Variants in CFAP54 observed in about 807,000 individuals in gnomAD.
The protein encoded by CFAP54 is cilia- and flagella-associated protein 54.
CFAP54 carries 290 observed loss-of-function variants against 370.4 expected under a neutral mutation model. The ratio of observed to expected loss-of-function variants is 0.78; its 90% CI spans 0.71 to 0.86. CFAP54 has a LOEUF of 0.86. CFAP54 is among the 40% of genes least tolerant of loss of function. The pLI is 0.00. For missense variants in CFAP54, 3,399 were observed against 3,528.7 expected, an observed-to-expected ratio of 0.96 and a Z score of 0.93; for synonymous variants, 1,206 against 1,236.5, an observed-to-expected ratio of 0.98 and a Z score of 0.52.
At chr12:96,839,424 A>T (rs369123081) in intron 66 of CFAP54, among the ~76,000 whole-genome samples, 1 of 152,238 alleles carries the variant, frequency 6.6e-6, no homozygotes, top group East Asian at 1.9e-4. Context: ...GGGCTGTAGC[A>T]GAAGAACAAC....
At chr12:96,574,486 G>A (rs1318568987) in intron 19 of CFAP54, among the ~76,000 whole-genome samples, 2 of 151,942 alleles carry the variant, frequency 1.3e-5, no homozygotes, top group Non-Finnish European at 2.9e-5. Context: ...TTTTGTGCTA[G>A]TAATATTTTG....
chr12:96,595,476 C>G (rs1956168223), intron 25 of CFAP54, among the ~76,000 whole-genome samples: 1 of 152,140 alleles, frequency 6.6e-6, no homozygotes, highest in South Asian at 2.1e-4. Context: ...CTGTCATTGT[C>G]AGCATCATGA....
Position 96,860,800 on chromosome 12 carries a change from CTT to C in CFAP54, c.9172-16_9172-15del, listed in dbSNP as rs1959860353. On this transcript the variant is annotated splice_polypyrimidine_tract_variant and intron_variant, in intron 66 of 67. Transcript: ENST00000524981. ...TTTGAAACAATGCATTTCATGAACA[CTT>C]TTATGTTTTTCCTCAGGTCCCATTT... 1 of 1,514,748 alleles carries C rather than the reference CTT, an allele frequency of 6.6e-7. No homozygotes were observed. The highest frequency in any genetic ancestry group is 1.4e-5 in the African/African-American group (1 of 71,980). 93.8% of individuals were successfully genotyped at this position (1,514,748 alleles called of 1,614,324 possible).
At chr12:96,765,999 G>A (rs1958398795) in intron 60 of CFAP54, among the ~76,000 whole-genome samples, 1 of 152,130 alleles carries the variant, frequency 6.6e-6, no homozygotes, top group Non-Finnish European at 1.5e-5. Flanking sequence ...CTTACTTCCA[G>A]ACTGACATTT....
rs936177148 is a variant in CFAP54 at position 96,861,054 on chromosome 12, C to T, written c.*14+102C>T. On this transcript the variant is annotated intron_variant, in intron 67 of 67. Coordinates refer to ENST00000524981, the MANE Select transcript of CFAP54 (RefSeq NM_001306084.2). Reference sequence around the variant, plus strand: ...ACAAACATAAAATTGTTTTTTTACACAAGCTAAATTTCTTTAAAATTATTA... The same window carrying T: ...ACAAACATAAAATTGTTTTTTTACATAAGCTAAATTTCTTTAAAATTATTA... 3.7e-6 allele frequency: 3 copies of T among 814,364 alleles called. No individual in the cohort carries two copies. In the African/African-American group the frequency reaches 5.3e-5, roughly 14 times the overall value. 50.4% of individuals were successfully genotyped at this position (814,364 alleles called of 1,614,324 possible). A position where few individuals can be genotyped will look rare whatever the true frequency, so the allele number is the denominator to read the frequency against.
chr12:96,840,152 A>G (rs1258551557), intron 66 of CFAP54, among the ~76,000 whole-genome samples: 4 of 152,256 alleles, frequency 2.6e-5, no homozygotes, highest in East Asian at 3.8e-4. Context: ...ATGACATCCA[A>G]TAAAACTAGG....
intron 65 of CFAP54, among the ~76,000 whole-genome samples, chr12:96,825,377 G>C (rs868745400): frequency 9.1e-6 from 1 of 109,964 alleles, no homozygotes; most frequent in South Asian, 2.7e-4. Context: ...TATGTAACAT[G>C]TGTTATATAT....
chr12:96,531,924 C>T (rs1565886744), intron 9 of CFAP54, among the ~76,000 whole-genome samples: 4 of 152,162 alleles, frequency 2.6e-5, no homozygotes, highest in Admixed American at 1.3e-4. Context: ...TGGGGTTCCA[C>T]CATGTTGGCC....
chr12:96,869,558 G>C (rs1471143747), intron 67 of CFAP54, among the ~76,000 whole-genome samples: 1 of 152,150 alleles, frequency 6.6e-6, no homozygotes, highest in Non-Finnish European at 1.5e-5. Flanking sequence ...TATATTTCTG[G>C]ATTGGTGATT....
At chr12:96,864,623 C>T (rs544862260) in intron 67 of CFAP54, among the ~76,000 whole-genome samples, 4 of 152,178 alleles carry the variant, frequency 2.6e-5, no homozygotes, top group Admixed American at 1.3e-4. Flanking sequence ...GCAAATCCCT[C>T]CATCCAGTTC....
chr12:96,691,381 A>T, intron 44 of CFAP54, 71 bp downstream of exon 44: 2 of 1,136,988 alleles, frequency 1.8e-6, no homozygotes, highest in Non-Finnish European at 2.4e-6. Context: ...TACTTTTAAA[A>T]TTTTGCTAAT....
At chr12:96,831,644 A>G (rs532005091) in intron 66 of CFAP54, among the ~76,000 whole-genome samples, 41 of 152,304 alleles carry the variant, frequency 2.7e-4, no homozygotes, top group Middle Eastern at 3.4e-3. Context: ...AGGAAGTGAC[A>G]TTTGAAGTAA....
At chr12:96,726,102 A>G (rs1175906331) in intron 50 of CFAP54, among the ~76,000 whole-genome samples, 1 of 149,852 alleles carries the variant, frequency 6.7e-6, no homozygotes, top group African/African-American at 2.4e-5. Context: ...GGATTTTTGC[A>G]TCAATGTTCA....
chr12:96,868,361 T>C lies in CFAP54; in HGVS notation c.*15-6757T>C, dbSNP rs569827759. Among the ~76,000 whole-genome samples, 3 of 152,160 alleles carry C rather than the reference T, an allele frequency of 2.0e-5. No individual in the cohort carries two copies. In the East Asian group the frequency reaches 5.8e-4, roughly 29 times the overall value. On this transcript the variant is annotated intron_variant, in intron 67 of 67. Transcript: ENST00000524981. ...GTTGAATGTTTTTCACATTTTTTGG[T>C]CCACTGTATATTTTTCTGTTGTCAT...
intron 26 of CFAP54, among the ~76,000 whole-genome samples, chr12:96,612,388 G>C (rs562479262): frequency 4.6e-5 from 7 of 152,314 alleles, no homozygotes; most frequent in African/African-American, 1.2e-4. Flanking sequence ...CCTGAAGGGA[G>C]CACTAAACAT....
intron 60 of CFAP54, among the ~76,000 whole-genome samples, chr12:96,777,221 A>G (rs1958526043): frequency 6.6e-6 from 1 of 152,196 alleles, no homozygotes; most frequent in Non-Finnish European, 1.5e-5. Flanking sequence ...CAGCCATTGC[A>G]CTTCAGTATG....
chr12:96,690,242 G>A (rs1449494757), intron 43 of CFAP54, among the ~76,000 whole-genome samples: 2 of 152,082 alleles, frequency 1.3e-5, no homozygotes, highest in East Asian at 3.8e-4. Context: ...TCTTTTTATG[G>A]TTTTAAAACA....
At chr12:96,638,054 C>A (rs1166267504) in intron 32 of CFAP54, among the ~76,000 whole-genome samples, 3 of 152,162 alleles carry the variant, frequency 2.0e-5, no homozygotes, top group Non-Finnish European at 4.4e-5. Context: ...GAATGTATCC[C>A]TGTCATGAAG....
intron 67 of CFAP54, among the ~76,000 whole-genome samples, chr12:96,871,444 T>G (rs994133327): frequency 1.3e-5 from 2 of 152,200 alleles, no homozygotes; most frequent in African/African-American, 4.8e-5. Context: ...TGGTTGTCAG[T>G]AATTTAACTG....
Sources: gnomAD v4.1 joint callset for allele counts (sites outside exome capture counted in the v4.1 genomes callset) on GRCh38, gnomAD v4.1.1 for gene constraint, MANE v1.5 for transcripts, NCBI Gene and HGNC (gene_info 2026-07-23, HGNC 2026-07-21) for gene names.